Variants in NPAS3 observed in about 807,000 individuals in gnomAD.
NPAS3 encodes the protein neuronal PAS domain-containing protein 3.
In NPAS3, 14 loss-of-function variants were observed where a neutral mutation model predicts 73.1. The ratio of observed to expected loss-of-function variants is 0.19; its 90% CI spans 0.13 to 0.30. The LOEUF (loss-of-function observed/expected upper bound fraction) is 0.30, where lower values mean the gene tolerates loss of function less well. Ranked by LOEUF, NPAS3 falls within the 10% of genes least tolerant of loss-of-function variation. The pLI is 1.00. For missense variants in NPAS3, 1,096 were observed against 1,250.0 expected (o/e 0.88, Z 1.86); for synonymous variants, 620 against 541.5 (o/e 1.14, Z -2.01).
chr14:33,216,742 T>A (rs998907735), intron 3 of NPAS3, among the ~76,000 whole-genome samples: 1 of 152,156 alleles, frequency 6.6e-6, no homozygotes, highest in African/African-American at 2.4e-5. Flanking sequence ...AGCCACAACA[T>A]TTGTCCCATA....
Position 33,009,714 on chromosome 14 carries a change from C to A in NPAS3, c.51-46191C>A, listed in dbSNP as rs180704175. Among the ~76,000 whole-genome samples, 25 of 152,148 alleles carry A rather than the reference C, an allele frequency of 1.6e-4. No homozygotes were observed. In the East Asian group the frequency reaches 4.8e-3, roughly 29 times the overall value. The stretch of plus-strand genomic sequence containing the variant: ...GTCCAAGGCCATAGTACCACTTTTT[C>A]TTCATTATAAAGGTGAGGAACCTAG... On this transcript the variant is annotated intron_variant, in intron 1 of 11. Coordinates refer to ENST00000356141, the Ensembl canonical transcript of NPAS3.
rs2063621159 is a variant in NPAS3 at position 33,799,647 on chromosome 14, G to T, written c.1427-87G>T. ...CTGCTCCCCGCCCCAGCCCCTGCAG[G>T]TGACAGGCTGGGTCGCCCCGCTAAC... On this transcript the variant is annotated intron_variant, in intron 11 of 11. Transcript: ENST00000356141. 1.4e-5 allele frequency: 20 copies of T among 1,445,026 alleles called. 1 individual carries two copies. The South Asian group carries it at 2.0e-4, about 15-fold the overall frequency. 89.5% of individuals were successfully genotyped at this position (1,445,026 alleles called of 1,614,324 possible). A position where few individuals can be genotyped will look rare whatever the true frequency, so the allele number is the denominator to read the frequency against.
intron 6 of NPAS3, among the ~76,000 whole-genome samples, chr14:33,730,151 G>A (rs944775071): frequency 3.3e-5 from 5 of 152,046 alleles, no homozygotes; most frequent in African/African-American, 1.2e-4. Flanking sequence ...GTGCTATACA[G>A]CATCAAAGTT....
At chr14:33,007,965 A>G (rs1229390544) in intron 1 of NPAS3, among the ~76,000 whole-genome samples, 1 of 152,232 alleles carries the variant, frequency 6.6e-6, no homozygotes, top group Non-Finnish European at 1.5e-5. Context: ...TCTAAATTCA[A>G]TATTAACTTA....
At chr14:33,037,247 A>G (rs916727254) in intron 1 of NPAS3, among the ~76,000 whole-genome samples, 5 of 152,182 alleles carry the variant, frequency 3.3e-5, no homozygotes, top group Non-Finnish European at 7.3e-5. Context: ...TCCTTTCTGC[A>G]TTCATATTGT....
intron 5 of NPAS3, among the ~76,000 whole-genome samples, chr14:33,601,541 A>C (rs1378052335): frequency 6.6e-6 from 1 of 152,194 alleles, no homozygotes; most frequent in Non-Finnish European, 1.5e-5. Flanking sequence ...GATCTCATTT[A>C]ATTTGATCTC....
intron 3 of NPAS3, among the ~76,000 whole-genome samples, chr14:33,323,629 G>A (rs1420548776): frequency 6.6e-6 from 1 of 152,174 alleles, no homozygotes; most frequent in Non-Finnish European, 1.5e-5. Flanking sequence ...AGGGTGTGGT[G>A]GAAAAGGACT....
rs186271196 is a variant in NPAS3, at chr14:33,000,744, A to T, written c.51-55161A>T. ...GTTACAGATGGATAGAGATATTTGCACAAGTGCTATGGAGTTGGGAAAATT... is the reference window on the plus strand; with the variant it reads ...GTTACAGATGGATAGAGATATTTGCTCAAGTGCTATGGAGTTGGGAAAATT... On this transcript the variant is annotated intron_variant, in intron 1 of 11. Transcript: ENST00000356141. Among the ~76,000 whole-genome samples, 23 of 152,362 alleles carry T rather than the reference A, an allele frequency of 1.5e-4. No individual in the cohort carries two copies. In the East Asian group the frequency reaches 4.2e-3, roughly 28 times the overall value.
intron 4 of NPAS3, among the ~76,000 whole-genome samples, chr14:33,432,896 A>G (rs1394814085): frequency 1.3e-5 from 2 of 152,252 alleles, no homozygotes; most frequent in Admixed American, 1.3e-4. Context: ...TTAGTAATGA[A>G]TTATTCAGCT....
chr14:33,543,685 A>T (rs1052683884), intron 4 of NPAS3, among the ~76,000 whole-genome samples: 2 of 152,186 alleles, frequency 1.3e-5, no homozygotes, highest in African/African-American at 2.4e-5. Context: ...GCTTCATCTC[A>T]ATCAGAGAGG....
At chr14:33,254,492 T>C (rs1388728412) in intron 3 of NPAS3, among the ~76,000 whole-genome samples, 1 of 152,092 alleles carries the variant, frequency 6.6e-6, no homozygotes, top group South Asian at 2.1e-4. Flanking sequence ...GTGTACATTT[T>C]TATTGCTTAT....
At chr14:33,617,229 A>G (rs1207787148) in intron 5 of NPAS3, among the ~76,000 whole-genome samples, 2 of 152,222 alleles carry the variant, frequency 1.3e-5, no homozygotes, top group Non-Finnish European at 2.9e-5. Context: ...AGCATGATCA[A>G]GTTTTCAAGT....
intron 4 of NPAS3, among the ~76,000 whole-genome samples, chr14:33,395,367 C>A (rs2047176811): frequency 6.6e-6 from 1 of 151,464 alleles, no homozygotes; most frequent in Admixed American, 6.6e-5. Context: ...CAGAATGAAC[C>A]ATTAACTATA....
chr14:33,066,292 AGGAT>A (rs1052811459), intron 2 of NPAS3, among the ~76,000 whole-genome samples: 21 of 152,294 alleles, frequency 1.4e-4, no homozygotes, highest in African/African-American at 5.1e-4. Flanking sequence ...AGCGGAGATG[AGGAT>A]GGAAGGTCGA....
At chr14:33,156,022 TTGAA>T (rs148584623) in intron 2 of NPAS3, among the ~76,000 whole-genome samples, 4,952 of 152,224 alleles carry the variant, frequency 0.033, 264 homozygotes, top group African/African-American at 0.11. Flanking sequence ...AGATTTGTGA[TTGAA>T]TGAACAAAGA....
chr14:33,315,649 G>T (rs185080312), intron 3 of NPAS3, among the ~76,000 whole-genome samples: 1 of 151,976 alleles, frequency 6.6e-6, no homozygotes, highest in Admixed American at 6.6e-5. Flanking sequence ...CTTTAGTTAG[G>T]GTAAGAGATA....
At chr14:33,563,565 G>GAGAGAGA (rs10688249) in intron 5 of NPAS3, among the ~76,000 whole-genome samples, 1 of 144,428 alleles carries the variant, frequency 6.9e-6, no homozygotes, top group African/African-American at 2.7e-5. Context: ...GAGAGAGAGA[G>GAGAGAGA]GAGAGATGTA....
At chr14:33,308,531 TACACAC>T (rs550021518) in intron 3 of NPAS3, among the ~76,000 whole-genome samples, 8 of 116,012 alleles carry the variant, frequency 6.9e-5, no homozygotes, top group South Asian at 2.5e-4. Context: ...TATATATACA[TACACAC>T]ACACACACAC....
At chr14:33,228,994 T>G (rs1003160368) in intron 3 of NPAS3, among the ~76,000 whole-genome samples, 2 of 152,196 alleles carry the variant, frequency 1.3e-5, no homozygotes, top group African/African-American at 4.8e-5. Context: ...CCGTTGGTGT[T>G]GGGGAATTTA....
Sources: allele counts gnomAD v4.1 joint callset (sites outside exome capture counted in the v4.1 genomes callset), GRCh38; gene constraint gnomAD v4.1.1; transcripts MANE v1.5; gene names NCBI Gene and HGNC (gene_info 2026-07-23, HGNC 2026-07-21).